Variants in ZNF536 observed in about 807,000 individuals in gnomAD.
The protein encoded by ZNF536 is zinc finger protein 536.
Under a neutral mutation model 84.5 loss-of-function variants are expected in ZNF536, and 13 were observed. That is an observed-to-expected ratio of 0.15 (90% CI 0.10 to 0.24). The LOEUF is 0.24. ZNF536 is among the 10% of genes least tolerant of loss of function. The probability of loss-of-function intolerance (pLI) is 1.00; values close to 1 mark genes in which losing one functional copy is unlikely to be tolerated. For synonymous variants in ZNF536, 811 were observed against 742.5 expected (o/e 1.09, Z -1.50); for missense variants, 1,536 against 1,747.5 (o/e 0.88, Z 2.16).
At chr19:30,522,102 A>T (rs886980296) in intron 2 of ZNF536, among the ~76,000 whole-genome samples, 2 of 151,418 alleles carry the variant, frequency 1.3e-5, no homozygotes, top group Non-Finnish European at 2.9e-5. Flanking sequence ...AGGTACCAAG[A>T]CAATGGACAG....
intron 1 of ZNF536, among the ~76,000 whole-genome samples, chr19:30,616,025 T>C (rs2048282935): frequency 6.6e-6 from 1 of 152,240 alleles, no homozygotes. Flanking sequence ...TGTATATTCA[T>C]TTTATAACCA....
chr19:30,626,474 A>T lies in ZNF536; in HGVS notation c.169+76960A>T, dbSNP rs573755356. ...GGATACAAGCTGTTCGTTTGTGAGAAAGCTGGCATCGGCCAGAGTGCTGGC... is the reference window on the plus strand; with the variant it reads ...GGATACAAGCTGTTCGTTTGTGAGATAGCTGGCATCGGCCAGAGTGCTGGC... On this transcript the variant is annotated intron_variant, in intron 1 of 1. Coordinates refer to the ZNF536 transcript ENST00000592773. 5.9e-5 allele frequency among the ~76,000 whole-genome samples: 9 copies of T among 152,230 alleles called. No homozygotes were observed. The South Asian group carries it at 1.9e-3, about 32-fold the overall frequency.
chr19:30,284,705 G>T (rs997212341), intron 2 of ZNF536, among the ~76,000 whole-genome samples: 1 of 152,148 alleles, frequency 6.6e-6, no homozygotes, highest in African/African-American at 2.4e-5. Flanking sequence ...ATCTTTGGTG[G>T]CCTCATCTGA....
At chr19:30,405,382 C>A (rs1165480694) in intron 1 of ZNF536, among the ~76,000 whole-genome samples, 1 of 152,178 alleles carries the variant, frequency 6.6e-6, no homozygotes, top group Admixed American at 6.5e-5. Flanking sequence ...GAGCCAGGAA[C>A]TGCAGACAAA....
intron 4 of ZNF536, chr19:30,554,646 G>T (rs1490850307): frequency 6.6e-6 from 1 of 152,198 alleles, no homozygotes. Context: ...TGGCTCACAG[G>T]CCATGGGGTG....
intron 3 of ZNF536, among the ~76,000 whole-genome samples, chr19:30,354,068 C>T (rs2048019904): frequency 6.6e-6 from 1 of 152,222 alleles, no homozygotes; most frequent in South Asian, 2.1e-4. Flanking sequence ...GGATGAACTA[C>T]CTGCCCAGGT....
chr19:30,594,393 G>A (rs1568584828), intron 1 of ZNF536, among the ~76,000 whole-genome samples: 1 of 152,200 alleles, frequency 6.6e-6, no homozygotes. Flanking sequence ...GACCCTGGGA[G>A]TCAGGCCACA....
chr19:30,322,395 G>A (rs2046887729), intron 2 of ZNF536, among the ~76,000 whole-genome samples: 1 of 152,138 alleles, frequency 6.6e-6, no homozygotes, highest in Non-Finnish European at 1.5e-5. Flanking sequence ...GCCCACAGGG[G>A]AAATTCCTGG....
intron 2 of ZNF536, among the ~76,000 whole-genome samples, chr19:30,478,620 A>G (rs552286533): frequency 6.6e-6 from 1 of 152,314 alleles, no homozygotes; most frequent in East Asian, 1.9e-4. Context: ...GAATTAAATG[A>G]TGATTATCTT....
chr19:30,419,278 T>C (rs986957427), intron 1 of ZNF536, among the ~76,000 whole-genome samples: 4 of 152,194 alleles, frequency 2.6e-5, no homozygotes, highest in Non-Finnish European at 2.9e-5. Context: ...CTTGAACATT[T>C]GGGGTGTCTG....
At position 30,271,303 on chromosome 19, in the gene ZNF536, T is replaced by TTC. The variant is rs1555706189; in HGVS notation, c.-189-12768_-189-12767insCT. Among the ~76,000 whole-genome samples, 5 of 145,646 alleles carry TTC rather than the reference T, an allele frequency of 3.4e-5. 1 individual carries two copies. Among genetic ancestry groups the TTC allele is most frequent in the African/African-American group, 1.0e-4 (4 of 39,058 alleles). ...TTCCCTGTGTTTTTTTCTTTTCTTT[T>TTC]TTTTTTTTTTTTTTTTGCTAAAGCA... is the stretch of plus-strand genomic sequence containing the variant. On this transcript the variant is annotated intron_variant, in intron 1 of 5. Transcript: ENST00000585628.
At chr19:30,534,657 T>C (rs545592076) in intron 2 of ZNF536, among the ~76,000 whole-genome samples, 190 bp from the exon 3 acceptor site, 1 of 152,338 alleles carries the variant, frequency 6.6e-6, no homozygotes, top group Non-Finnish European at 1.5e-5. Flanking sequence ...AAAATGGTGA[T>C]AGGAAAGATG....
intron 2 of ZNF536, among the ~76,000 whole-genome samples, chr19:30,528,870 A>G (rs1377962548): frequency 4.6e-5 from 7 of 151,880 alleles, no homozygotes; most frequent in Non-Finnish European, 8.8e-5. Context: ...TTTAAGACCC[A>G]ACATCAGTAT....
chr19:30,306,471 C>T (rs909575460), intron 2 of ZNF536, among the ~76,000 whole-genome samples: 2 of 152,204 alleles, frequency 1.3e-5, no homozygotes, highest in African/African-American at 4.8e-5. Context: ...GTTTGTAACA[C>T]ACTTACCTCT....
At chr19:30,499,317 G>A (rs1456232651) in intron 2 of ZNF536, among the ~76,000 whole-genome samples, 2 of 152,080 alleles carry the variant, frequency 1.3e-5, no homozygotes, top group Non-Finnish European at 2.9e-5. Context: ...ATGTGTGTAA[G>A]TATGAATGTA....
chr19:30,457,113 G>A (rs959327473), intron 2 of ZNF536, among the ~76,000 whole-genome samples: 4 of 152,152 alleles, frequency 2.6e-5, no homozygotes, highest in African/African-American at 4.8e-5. Flanking sequence ...CAGCCTCTAG[G>A]TGCTGGACAG....
intron 1 of ZNF536, among the ~76,000 whole-genome samples, chr19:30,417,066 T>C (rs1454342692): frequency 2.0e-5 from 3 of 151,790 alleles, no homozygotes; most frequent in Non-Finnish European, 4.4e-5. Context: ...TTCTACCTCC[T>C]GGGTTCAAAC....
chr19:30,627,077 G>A (rs1015144094), intron 1 of ZNF536, among the ~76,000 whole-genome samples: 1 of 152,120 alleles, frequency 6.6e-6, no homozygotes, highest in Non-Finnish European at 1.5e-5. Context: ...TCCTTCCTGA[G>A]CCTGGAAGCT....
intron 3 of ZNF536, among the ~76,000 whole-genome samples, chr19:30,362,313 G>A (rs971882726): frequency 5.3e-5 from 8 of 152,272 alleles, no homozygotes; most frequent in Admixed American, 1.3e-4. Context: ...AGCTCCGGAA[G>A]ATGAGAGCCG....
Sources: allele counts gnomAD v4.1 joint callset (sites outside exome capture counted in the v4.1 genomes callset), GRCh38; gene constraint gnomAD v4.1.1; transcripts MANE v1.5; gene names NCBI Gene and HGNC (gene_info 2026-07-23, HGNC 2026-07-21).